Variants in TMEM132D observed in about 807,000 individuals in gnomAD.
TMEM132D encodes transmembrane protein 132D.
A neutral mutation model predicts 62.3 loss-of-function variants in TMEM132D; 21 were observed. That is an observed-to-expected ratio of 0.34 (90% CI 0.24 to 0.49). The LOEUF is 0.49. TMEM132D is among the 20% of genes least tolerant of loss of function. TMEM132D has a pLI of 0.99. For missense variants in TMEM132D, 1,346 were observed against 1,402.8 expected (o/e 0.96, Z 0.65); for synonymous variants, 621 against 575.6 (o/e 1.08, Z -1.13).
chr12:129,678,216 C>T (rs555312013), intron 2 of TMEM132D, among the ~76,000 whole-genome samples: 1 of 152,236 alleles, frequency 6.6e-6, no homozygotes, highest in East Asian at 1.9e-4. Context: ...ATCACCAGGT[C>T]ATTCCCAATT....
intron 3 of TMEM132D, among the ~76,000 whole-genome samples, chr12:129,449,367 G>A (rs1169309438): frequency 1.3e-5 from 2 of 152,178 alleles, no homozygotes; most frequent in Non-Finnish European, 2.9e-5. Context: ...ATTAAGGAAT[G>A]AGTAACCAAC....
intron 5 of TMEM132D, among the ~76,000 whole-genome samples, chr12:129,128,525 C>T (rs1206990895): frequency 2.6e-5 from 4 of 152,140 alleles, no homozygotes; most frequent in African/African-American, 9.7e-5. Flanking sequence ...GGGAAAACCA[C>T]CCCCATGATC....
chr12:129,865,465 G>A (rs1052001986), intron 1 of TMEM132D, among the ~76,000 whole-genome samples: 1 of 152,162 alleles, frequency 6.6e-6, no homozygotes, highest in African/African-American at 2.4e-5. Flanking sequence ...CAAACTCCGT[G>A]TGAGCTCATC....
At chr12:129,215,596 G>A (rs776992701) in intron 4 of TMEM132D, among the ~76,000 whole-genome samples, 12 of 152,178 alleles carry the variant, frequency 7.9e-5, no homozygotes, top group South Asian at 2.1e-4. Context: ...GAGTTAAACC[G>A]CATCTTGTGA....
chr12:129,274,230 C>T (rs1880940637), intron 4 of TMEM132D, among the ~76,000 whole-genome samples: 1 of 150,414 alleles, frequency 6.6e-6, no homozygotes. Context: ...CTCAAACCTG[C>T]CAGCTTTTCA....
chr12:129,358,593 AGGTGGGAGGT>A (rs1292440116), intron 3 of TMEM132D, among the ~76,000 whole-genome samples: 1 of 152,122 alleles, frequency 6.6e-6, no homozygotes, highest in Non-Finnish European at 1.5e-5. Flanking sequence ...TCTGTAGGGG[AGGTGGGAGGT>A]GGACATTAAA....
At chr12:129,695,361 A>G (rs1407241845) in intron 2 of TMEM132D, among the ~76,000 whole-genome samples, 5 of 152,214 alleles carry the variant, frequency 3.3e-5, no homozygotes, top group Admixed American at 3.3e-4. Context: ...AAAAGAGGAA[A>G]CTAGCGGGGA....
intron 5 of TMEM132D, among the ~76,000 whole-genome samples, chr12:129,202,012 GA>G (rs36034328): frequency 4.0e-5 from 6 of 149,536 alleles, no homozygotes; most frequent in African/African-American, 1.5e-4. Flanking sequence ...TTGCCTTCTT[GA>G]AAAAAAAAAT....
intron 1 of TMEM132D, among the ~76,000 whole-genome samples, chr12:129,727,784 G>A (rs2137249650): frequency 6.6e-6 from 1 of 152,008 alleles, no homozygotes; most frequent in South Asian, 2.1e-4. Flanking sequence ...ATCACTGGAA[G>A]AAAATGTGAA....
chr12:129,126,883 A>G (rs1313840244), intron 5 of TMEM132D, among the ~76,000 whole-genome samples: 2 of 152,234 alleles, frequency 1.3e-5, no homozygotes, highest in African/African-American at 4.8e-5. Flanking sequence ...CATTGCTAAC[A>G]GCTCTGACAC....
chr12:129,079,314 G>A (rs1565956496), intron 7 of TMEM132D, among the ~76,000 whole-genome samples: 1 of 152,118 alleles, frequency 6.6e-6, no homozygotes, highest in Non-Finnish European at 1.5e-5. Flanking sequence ...CTGTTGATGA[G>A]GAATATCGTT....
At chr12:129,526,481 C>T (rs1004367745) in intron 3 of TMEM132D, among the ~76,000 whole-genome samples, 39 of 152,096 alleles carry the variant, frequency 2.6e-4, no homozygotes, top group African/African-American at 9.4e-4. Context: ...GACGGGGTTT[C>T]ACCATATTGG....
chr12:129,757,959 A>G (rs1265159968), intron 1 of TMEM132D, among the ~76,000 whole-genome samples: 1 of 151,984 alleles, frequency 6.6e-6, no homozygotes, highest in Non-Finnish European at 1.5e-5. Context: ...CTGGAGTGCA[A>G]TGGCATGGTC....
At chr12:129,259,812 T>C (rs1309274453) in intron 4 of TMEM132D, among the ~76,000 whole-genome samples, 1 of 152,078 alleles carries the variant, frequency 6.6e-6, no homozygotes, top group African/African-American at 2.4e-5. Context: ...AATGTGACAT[T>C]TGTGTGTGAG....
chr12:129,826,180 G>T (rs73440428), intron 1 of TMEM132D, among the ~76,000 whole-genome samples: 1 of 152,064 alleles, frequency 6.6e-6, no homozygotes, highest in African/African-American at 2.4e-5. Flanking sequence ...TTCAAGGGCC[G>T]CACGTGTCTC....
chr12:129,288,076 G>A lies in TMEM132D; in HGVS notation c.1299+49558C>T, dbSNP rs1056399578. ...GTTTTTAAAACCTGGATATCCACAT[G>A]TAAAAGAATTAAATTGGACCATTAT... On this transcript the variant is annotated intron_variant, in intron 4 of 8. Transcript: ENST00000422113. Among the ~76,000 whole-genome samples, 22 of 152,170 alleles carry A rather than the reference G, an allele frequency of 1.4e-4. 1 individual carries two copies.
At chr12:129,748,703 AC>A (rs1869899834) in intron 1 of TMEM132D, among the ~76,000 whole-genome samples, 1 of 152,136 alleles carries the variant, frequency 6.6e-6, no homozygotes, top group East Asian at 1.9e-4. Context: ...AGCAACAAAA[AC>A]CCACACGTGC....
intron 2 of TMEM132D, among the ~76,000 whole-genome samples, chr12:129,628,523 A>G (rs2137165146): frequency 6.6e-6 from 1 of 152,310 alleles, no homozygotes; most frequent in South Asian, 2.1e-4. Flanking sequence ...TCATTCCACA[A>G]ATAAACACAG....
intron 1 of TMEM132D, among the ~76,000 whole-genome samples, chr12:129,755,829 T>C (rs1479022693): frequency 6.6e-6 from 1 of 152,166 alleles, no homozygotes; most frequent in Non-Finnish European, 1.5e-5. Flanking sequence ...CTTTCACCAA[T>C]GCCCCATCTA....
Sources: allele counts gnomAD v4.1 joint callset (sites outside exome capture counted in the v4.1 genomes callset), GRCh38; gene constraint gnomAD v4.1.1; transcripts MANE v1.5; gene names NCBI Gene and HGNC (gene_info 2026-07-23, HGNC 2026-07-21).